The following ST3GAL3 variants were observed in gnomAD, a reference collection of about 807,000 sequenced individuals.
ST3GAL3 encodes CMP-N-acetylneuraminate-beta-1,4-galactoside alpha-2,3-sialyltransferase.
In ST3GAL3, 21 loss-of-function variants were observed where a neutral mutation model predicts 50.1. The ratio of observed to expected loss-of-function variants is 0.42; its 90% CI spans 0.30 to 0.60. The LOEUF is 0.60. Ranked by LOEUF, ST3GAL3 falls within the 20% of genes least tolerant of loss-of-function variation. The probability of loss-of-function intolerance (pLI) is 0.19; values close to 1 mark genes in which losing one functional copy is unlikely to be tolerated. For missense variants in ST3GAL3, 353 were observed against 489.4 expected, an observed-to-expected ratio of 0.72 and a Z score of 2.63; for synonymous variants, 183 against 190.0, an observed-to-expected ratio of 0.96 and a Z score of 0.30.
In ST3GAL3 at chr1:43,899,248, A is replaced by T. The variant is rs779424250; in HGVS notation, c.542A>T (p.Tyr181Phe). 2 of 1,614,204 alleles carry T rather than the reference A, an allele frequency of 1.2e-6. No individual in the cohort carries two copies. Among genetic ancestry groups the T allele is most frequent in the Non-Finnish European group, 1.7e-6 (2 of 1,180,034 alleles). The change falls in exon 8 of 12, where the codon TAT (tyrosine) becomes TTT (phenylalanine). Residue 181 changes from tyrosine to phenylalanine, a missense_variant. Transcript: ENST00000347631. The surrounding 1 kb of genome is among the most constrained non-coding windows in gnomAD (Gnocchi z 5.4). ...TCTCTGGGGTCACGAATTGACGACT[A>T]TGACATTGTGGTGAGGTGAGCTCCC... is the stretch of plus-strand genomic sequence containing the variant. Reference protein sequence around the residue: ...NKSLGSRIDDYDIVVRLNSAP... With the variant: ...NKSLGSRIDDFDIVVRLNSAP...
At chr1:43,872,658 G>A (rs1570357527) in intron 5 of ST3GAL3, among the ~76,000 whole-genome samples, 1 of 152,100 alleles carries the variant, frequency 6.6e-6, no homozygotes, top group South Asian at 2.1e-4. Context: ...CACTGCTCTT[G>A]TACTGGAGGT....
At position 43,898,141 on chromosome 1, in the gene ST3GAL3, C is replaced by A. The variant is rs989349196; in HGVS notation, c.398-94C>A. On this transcript the variant is annotated intron_variant, in intron 6 of 11. Transcript: ENST00000347631. ...CTCCACTTCCACTTTCACTCTAGCCCCTAGGGACTTGTGTCTTCCAGTAGG... is the reference window on the plus strand; with the variant it reads ...CTCCACTTCCACTTTCACTCTAGCCACTAGGGACTTGTGTCTTCCAGTAGG... The A allele has an allele frequency of 6.7e-6, 9 of 1,348,784 alleles. No homozygotes were observed. The African/African-American group carries it at 1.0e-4, about 15-fold the overall frequency. 83.6% of individuals were successfully genotyped at this position (1,348,784 alleles called of 1,614,324 possible). A position where few individuals can be genotyped will look rare whatever the true frequency, so the allele number is the denominator to read the frequency against.
intron 2 of ST3GAL3, among the ~76,000 whole-genome samples, chr1:43,761,687 A>G (rs1268247592): frequency 1.3e-5 from 2 of 152,016 alleles, no homozygotes; most frequent in African/African-American, 4.8e-5. Context: ...GCGGTGGCTC[A>G]TGCCTGTAAT....
chr1:43,850,845 C>T (rs1471044234), intron 5 of ST3GAL3: 22 of 1,187,820 alleles, frequency 1.9e-5, no homozygotes, highest in Non-Finnish European at 2.6e-5. Context: ...GTGGGGACCT[C>T]CCTGAAGGCC....
chr1:43,894,606 TCTC>T (rs1413340436), intron 6 of ST3GAL3, 129 bp downstream of exon 6: 3 of 842,224 alleles, frequency 3.6e-6, no homozygotes, highest in Non-Finnish European at 6.0e-6. Flanking sequence ...CAACAAATCT[TCTC>T]TACCTTTTTC....
intron 2 of ST3GAL3, among the ~76,000 whole-genome samples, chr1:43,741,977 G>C (rs1411306637): frequency 6.6e-6 from 1 of 152,192 alleles, no homozygotes; most frequent in Non-Finnish European, 1.5e-5. Flanking sequence ...GACCATCATA[G>C]GGTAGGGAAT....
At chr1:43,910,026 G>A (rs142270520) in intron 9 of ST3GAL3, among the ~76,000 whole-genome samples, 5 of 152,284 alleles carry the variant, frequency 3.3e-5, no homozygotes, top group African/African-American at 7.2e-5. Flanking sequence ...GCTACTGGTC[G>A]GAGTAAACAA....
Position 43,735,886 on chromosome 1 carries a change from G to A in ST3GAL3, c.-30-347G>A, listed in dbSNP as rs75257142. Among the ~76,000 whole-genome samples the A allele has an allele frequency of 1.9e-3, 283 of 152,328 alleles. 1 individual carries two copies. The highest frequency in any genetic ancestry group is 2.0e-3 in the Non-Finnish European group (139 of 68,030). ...AATGTAAATTTGAAGGCAGGGAAAC[G>A]TGTTTGTGGGAATGCTGTGATAACA... is the stretch of plus-strand genomic sequence containing the variant. On this transcript the variant is annotated intron_variant, in intron 1 of 11. Coordinates refer to ENST00000347631, the MANE Select transcript of ST3GAL3 (RefSeq NM_006279.5).
chr1:43,708,560 ATTATC>A (rs1662793865), intron 1 of ST3GAL3, among the ~76,000 whole-genome samples: 2 of 152,240 alleles, frequency 1.3e-5, no homozygotes, highest in Admixed American at 1.3e-4. Context: ...CTAAGGCAGA[ATTATC>A]TTGTAGAGAT....
At chr1:43,888,579 GA>G (rs370880903) in intron 5 of ST3GAL3, among the ~76,000 whole-genome samples, 25 of 151,502 alleles carry the variant, frequency 1.7e-4, no homozygotes, top group Admixed American at 1.2e-3. Flanking sequence ...AAAAAGAGAA[GA>G]AAAAAACAAT....
intron 6 of ST3GAL3, among the ~76,000 whole-genome samples, chr1:43,897,332 T>C (rs1342650828): frequency 6.6e-6 from 1 of 152,228 alleles, no homozygotes; most frequent in Non-Finnish European, 1.5e-5. Context: ...TGTACGTTAT[T>C]TTATATCTTC....
At chr1:43,824,457 A>T (rs930242959) in intron 4 of ST3GAL3, among the ~76,000 whole-genome samples, 9 of 152,198 alleles carry the variant, frequency 5.9e-5, no homozygotes, top group Admixed American at 3.3e-4. Flanking sequence ...TTCACTAAAG[A>T]TTAAAAGAGG....
chr1:43,838,242 A>G lies in ST3GAL3; in HGVS notation c.233A>G (p.Tyr78Cys). 1 of 1,613,770 alleles carries G rather than the reference A, an allele frequency of 6.2e-7. No individual in the cohort carries two copies. The highest frequency in any genetic ancestry group is 8.5e-7 in the Non-Finnish European group (1 of 1,179,824). ...SKLPAELATK[Y>C]ANFSEGACKP... ...AGGCCTGCTGAATTAGCCACCAAGT[A>G]CGCAAACTTTTCAGAGGGAGCTTGC... Residue 78 changes from tyrosine to cysteine, a missense_variant, in exon 5 of 12, where the codon TAC becomes TGC. Tyr to Cys is a radical substitution (Grantham distance 194). Coordinates refer to ENST00000347631, the MANE Select transcript of ST3GAL3 (RefSeq NM_006279.5).
In ST3GAL3 at chr1:43,850,760, A is replaced by G; in HGVS notation, c.302+12449A>G. 5.0e-6 allele frequency: 4 copies of G among 799,426 alleles called. No individual in the cohort carries two copies. In the Middle Eastern group the frequency reaches 1.2e-3, roughly 232 times the overall value. 49.5% of individuals were successfully genotyped at this position (799,426 alleles called of 1,614,324 possible). On this transcript the variant is annotated intron_variant, in intron 5 of 11. Coordinates refer to ENST00000347631, the MANE Select transcript of ST3GAL3 (RefSeq NM_006279.5). ...ACAGAGCTCTGCAGTTGGCCACCAC[A>G]TGGTGCTGATAAACTTCAAATTCCA...
At chr1:43,752,137 C>A (rs756978940) in intron 2 of ST3GAL3, among the ~76,000 whole-genome samples, 5 of 152,134 alleles carry the variant, frequency 3.3e-5, no homozygotes, top group Non-Finnish European at 5.9e-5. Context: ...GAACATTCAA[C>A]TATGTGCTTG....
intron 1 of ST3GAL3, among the ~76,000 whole-genome samples, chr1:43,717,678 T>A (rs1264719718): frequency 1.3e-5 from 2 of 151,820 alleles, no homozygotes; most frequent in Non-Finnish European, 2.9e-5. Flanking sequence ...TTTTTTCTTT[T>A]GTATTTTTTT....
intron 3 of ST3GAL3, among the ~76,000 whole-genome samples, chr1:43,814,225 A>G (rs555463256): frequency 1.8e-4 from 28 of 152,266 alleles, no homozygotes; most frequent in African/African-American, 6.7e-4. Context: ...GCATTTTCCT[A>G]TGTTTATGTC....
At chr1:43,731,357 G>A (rs1675690101) in intron 1 of ST3GAL3, among the ~76,000 whole-genome samples, 1 of 150,826 alleles carries the variant, frequency 6.6e-6, no homozygotes, top group South Asian at 2.1e-4. Context: ...GACTACAGGT[G>A]CGTGCCACCG....
chr1:43,818,005 G>T (rs2061630077), intron 4 of ST3GAL3, among the ~76,000 whole-genome samples: 1 of 152,012 alleles, frequency 6.6e-6, no homozygotes, highest in African/African-American at 2.4e-5. Context: ...AAAGTGTTAG[G>T]ATTACAGCTG....
Sources: gnomAD v4.1 joint callset for allele counts (sites outside exome capture counted in the v4.1 genomes callset) on GRCh38, gnomAD v4.1.1 for gene constraint, Gnocchi (gnomAD v3.1) non-coding constraint, MANE v1.5 for transcripts, NCBI Gene and HGNC (gene_info 2026-07-23, HGNC 2026-07-21) for gene names.